SOS1: variants seen among roughly 807,000 people sequenced by gnomAD.
The protein encoded by SOS1 is SOS Ras/Rac guanine nucleotide exchange factor 1.
A neutral mutation model predicts 157.6 loss-of-function variants in SOS1; 25 were observed. The ratio of observed to expected loss-of-function variants is 0.16; its 90% CI spans 0.12 to 0.22. The LOEUF is 0.22. Among genes scored for constraint, SOS1 ranks in the 10% least tolerant of loss-of-function variants. The pLI, the probability that SOS1 is intolerant of heterozygous loss-of-function variation, is 1.00. For synonymous variants in SOS1, 528 were observed against 534.0 expected (o/e 0.99, Z 0.16); for missense variants, 1,237 against 1,599.1 (o/e 0.77, Z 3.86).
chr2:39,091,824 A>C (rs894167171), intron 1 of SOS1, among the ~76,000 whole-genome samples: 2 of 152,066 alleles, frequency 1.3e-5, no homozygotes, highest in Admixed American at 6.6e-5. Flanking sequence ...ACAGTTGACC[A>C]CTTCCACTTT....
At chr2:39,058,193 A>G (rs1428614714) in intron 3 of SOS1, among the ~76,000 whole-genome samples, 2 of 152,060 alleles carry the variant, frequency 1.3e-5, no homozygotes, top group African/African-American at 4.8e-5. Context: ...AGTTCTATAG[A>G]GATTCAACTG....
chr2:39,076,085 T>A (rs994150556), intron 1 of SOS1, among the ~76,000 whole-genome samples: 1 of 152,120 alleles, frequency 6.6e-6, no homozygotes, highest in Non-Finnish European at 1.5e-5. Context: ...TAACTGTTCA[T>A]GGACATAGAT....
chr2:39,067,828 TG>T, intron 1 of SOS1, 75 bp from the exon 2 acceptor site: 1 of 1,404,718 alleles, frequency 7.1e-7, no homozygotes. Context: ...TTAAAAAATG[TG>T]GGTTTGTGGC....
At chr2:39,111,219 C>T (rs1394474234) in intron 1 of SOS1, among the ~76,000 whole-genome samples, 2 of 151,914 alleles carry the variant, frequency 1.3e-5, no homozygotes, top group Non-Finnish European at 2.9e-5. Flanking sequence ...GGAGACAGAG[C>T]AAGACTCCAT....
intron 1 of SOS1, among the ~76,000 whole-genome samples, chr2:39,103,835 A>G (rs1381478295): frequency 6.6e-6 from 1 of 152,254 alleles, no homozygotes; most frequent in African/African-American, 2.4e-5. Flanking sequence ...ATCAGAGGAC[A>G]TTATCAAGAA....
At chr2:39,050,430 G>C (rs1670967456) in intron 6 of SOS1, among the ~76,000 whole-genome samples, 1 of 152,126 alleles carries the variant, frequency 6.6e-6, no homozygotes, top group Admixed American at 6.5e-5. Context: ...AGCTTACTAT[G>C]TGAAGGTAGA....
intron 1 of SOS1, among the ~76,000 whole-genome samples, chr2:39,085,878 T>C (rs913697800): frequency 2.6e-5 from 4 of 152,114 alleles, no homozygotes; most frequent in South Asian, 2.1e-4. Context: ...AGAAGTACAA[T>C]AGGGGAACTA....
chr2:39,040,014 T>C (rs539811090), intron 6 of SOS1, among the ~76,000 whole-genome samples: 2 of 152,226 alleles, frequency 1.3e-5, no homozygotes, highest in Admixed American at 1.3e-4. Flanking sequence ...TTTATTTTTT[T>C]ATTTTTTATT....
chr2:39,085,010 T>G (rs1672324046), intron 1 of SOS1, among the ~76,000 whole-genome samples: 1 of 152,158 alleles, frequency 6.6e-6, no homozygotes, highest in South Asian at 2.1e-4. Context: ...GTGTTTTCTC[T>G]GCTAGTGTTC....
At position 38,984,709 on chromosome 2, in the gene SOS1, A is replaced by G. The variant is rs1668503286; in HGVS notation, c.*1115T>C. The G allele has an allele frequency of 6.6e-6, 1 of 152,196 alleles. No individual in the cohort carries two copies. The highest frequency in any genetic ancestry group is 2.4e-5 in the African/African-American group (1 of 41,438). 9.4% of individuals were successfully genotyped at this position (152,196 alleles called of 1,614,324 possible). A position where few individuals can be genotyped will look rare whatever the true frequency, so the allele number is the denominator to read the frequency against. Reference sequence around the variant, plus strand: ...GAATCAACCATTTTCTTCATATAATAATTTAATATATGCCAGCCAAACAAA... The same window carrying G: ...GAATCAACCATTTTCTTCATATAATGATTTAATATATGCCAGCCAAACAAA... On this transcript the variant is annotated 3_prime_UTR_variant, in exon 23 of 23. Transcript: ENST00000402219.
At chr2:39,002,381 A>G (rs1282249439) in intron 17 of SOS1, among the ~76,000 whole-genome samples, 1 of 152,094 alleles carries the variant, frequency 6.6e-6, no homozygotes, top group East Asian at 1.9e-4. Context: ...CTGAGAGAGG[A>G]CTTTGGACAG....
chr2:39,016,712 C>G (rs1490980171), intron 10 of SOS1, among the ~76,000 whole-genome samples: 3 of 152,008 alleles, frequency 2.0e-5, no homozygotes, highest in South Asian at 4.2e-4. Context: ...GTGCCCTCTC[C>G]CTTTTTAAAG....
intron 1 of SOS1, among the ~76,000 whole-genome samples, chr2:39,090,152 A>G (rs535849762): frequency 6.6e-6 from 1 of 151,834 alleles, no homozygotes; most frequent in African/African-American, 2.4e-5. Context: ...AAAAAAAAAA[A>G]AAAAACACTC....
At chr2:39,123,758 G>T (rs1673978078), upstream of SOS1, among the ~76,000 whole-genome samples, 1 of 152,202 alleles carries the variant, frequency 6.6e-6, no homozygotes, top group African/African-American at 2.4e-5. Flanking sequence ...TATTGTCGAA[G>T]GAATAAAATG....
Position 38,985,749 on chromosome 2 carries a change from G to T in SOS1, c.*75C>A. The T allele has an allele frequency of 2.6e-6, 4 of 1,521,776 alleles. No individual in the cohort carries two copies. The highest frequency in any genetic ancestry group is 2.7e-6 in the Non-Finnish European group (3 of 1,100,004). The allele number at this position is 1,521,776 out of a possible 1,614,324, so 94.3% of individuals were successfully genotyped here. A position where few individuals can be genotyped will look rare whatever the true frequency, so the allele number is the denominator to read the frequency against. ...GGAGTTCTCATTTTAACTCCTCAGT[G>T]CTGGCACATTCAGTGCATCCATTGC... On this transcript the variant is annotated 3_prime_UTR_variant, in exon 23 of 23. Coordinates refer to ENST00000402219, the MANE Select transcript of SOS1 (RefSeq NM_005633.4).
chr2:39,111,331 A>G (rs1041237141), intron 1 of SOS1, among the ~76,000 whole-genome samples: 5 of 152,254 alleles, frequency 3.3e-5, no homozygotes, highest in Non-Finnish European at 5.9e-5. Flanking sequence ...TGTTAATTAT[A>G]AAATCTGGGT....
intron 2 of SOS1, among the ~76,000 whole-genome samples, chr2:39,063,542 T>C (rs1671484946): frequency 6.6e-6 from 1 of 152,228 alleles, no homozygotes; most frequent in East Asian, 1.9e-4. Flanking sequence ...TTAGTGATTA[T>C]TGGCTACATC....
intron 1 of SOS1, among the ~76,000 whole-genome samples, chr2:39,074,930 C>CT (rs1329392295): frequency 3.4e-5 from 5 of 148,446 alleles, no homozygotes; most frequent in Non-Finnish European, 5.9e-5. Flanking sequence ...GTTGGGGAAA[C>CT]TAAGTTGGAC....
rs934513199 is a variant in SOS1 at position 39,054,935 on chromosome 2, C to T, written c.511-112G>A. On this transcript the variant is annotated intron_variant, in intron 4 of 22. Coordinates refer to ENST00000402219, the MANE Select transcript of SOS1 (RefSeq NM_005633.4). ...AGTTCTTAAATGATAAAAAAGCAGA[C>T]AAACAAATTTCTCTTCTTGGATATA... 7 of 691,448 alleles carry T rather than the reference C, an allele frequency of 1.0e-5. No individual in the cohort carries two copies. In the South Asian group the frequency reaches 1.2e-4, roughly 12 times the overall value. 42.8% of individuals were successfully genotyped at this position (691,448 alleles called of 1,614,324 possible). A position where few individuals can be genotyped will look rare whatever the true frequency, so the allele number is the denominator to read the frequency against.
Sources: gnomAD v4.1 joint callset for allele counts (sites outside exome capture counted in the v4.1 genomes callset) on GRCh38, gnomAD v4.1.1 for gene constraint, MANE v1.5 for transcripts, NCBI Gene and HGNC (gene_info 2026-07-23, HGNC 2026-07-21) for gene names.